Variants in SSBP2 observed in about 807,000 individuals in gnomAD.
SSBP2 encodes single-stranded DNA-binding protein 2.
In SSBP2, 17 loss-of-function variants were observed where a neutral mutation model predicts 61.8. The ratio of observed to expected loss-of-function variants is 0.28; its 90% CI spans 0.19 to 0.41. The LOEUF is 0.41. Among genes scored for constraint, SSBP2 ranks in the 10% least tolerant of loss-of-function variants. The pLI, the probability that SSBP2 is intolerant of heterozygous loss-of-function variation, is 1.00. For synonymous variants in SSBP2, 139 were observed against 141.3 expected (o/e 0.98, Z 0.12); for missense variants, 310 against 458.7 (o/e 0.68, Z 2.96).
intron 1 of SSBP2, among the ~76,000 whole-genome samples, chr5:81,737,271 C>T (rs1581449767): frequency 6.7e-6 from 1 of 149,594 alleles, no homozygotes. Context: ...AACTATTGCC[C>T]CTCCTTGCAA....
At chr5:81,622,800 G>A (rs1434619265) in intron 3 of SSBP2, among the ~76,000 whole-genome samples, 1 of 152,138 alleles carries the variant, frequency 6.6e-6, no homozygotes, top group Non-Finnish European at 1.5e-5. Context: ...TCAGCTAGGA[G>A]AAAACATTCT....
At chr5:81,675,940 T>G (rs1561680621) in intron 1 of SSBP2, among the ~76,000 whole-genome samples, 1 of 152,150 alleles carries the variant, frequency 6.6e-6, no homozygotes, top group Non-Finnish European at 1.5e-5. Flanking sequence ...CACATTTTCC[T>G]CAGACCCACT....
At chr5:81,599,121 G>GGACT (rs1219591744) in intron 4 of SSBP2, among the ~76,000 whole-genome samples, 2 of 152,108 alleles carry the variant, frequency 1.3e-5, no homozygotes, top group Non-Finnish European at 2.9e-5. Context: ...TATAGCAAAA[G>GGACT]GACTACCTGA....
Position 81,445,505 on chromosome 5 carries a change from A to G in SSBP2, c.778+1363T>C, listed in dbSNP as rs182988293. ...AACTTCACCATATAAGAACATAAATATGGGCAAGATGATCAGTTGATATAA... is the reference window on the plus strand; with the variant it reads ...AACTTCACCATATAAGAACATAAATGTGGGCAAGATGATCAGTTGATATAA... On this transcript the variant is annotated intron_variant, in intron 12 of 16. Transcript: ENST00000320672. Among the ~76,000 whole-genome samples, 226 of 152,164 alleles carry G rather than the reference A, an allele frequency of 1.5e-3. 1 individual carries two copies. The highest frequency in any genetic ancestry group is 5.3e-3 in the African/African-American group (219 of 41,522).
chr5:81,442,252 C>T (rs1433337221), intron 13 of SSBP2, among the ~76,000 whole-genome samples: 1 of 151,994 alleles, frequency 6.6e-6, no homozygotes, highest in African/African-American at 2.4e-5. Context: ...AAAAAACAAG[C>T]ATAGCCAACT....
chr5:81,426,832 A>G (rs1184831311), intron 16 of SSBP2, among the ~76,000 whole-genome samples: 9 of 152,218 alleles, frequency 5.9e-5, no homozygotes, highest in Admixed American at 1.3e-4. Context: ...GTCACTGCCC[A>G]TAAGTGAAAG....
intron 1 of SSBP2, among the ~76,000 whole-genome samples, chr5:81,720,308 TA>T (rs957116342): frequency 6.6e-6 from 1 of 152,182 alleles, no homozygotes; most frequent in Admixed American, 6.5e-5. Context: ...GAGATAAATG[TA>T]AACAGAGTAT....
At chr5:81,457,848 G>C (rs1323441098) in intron 10 of SSBP2, among the ~76,000 whole-genome samples, 2 of 152,016 alleles carry the variant, frequency 1.3e-5, no homozygotes, top group African/African-American at 4.8e-5. Flanking sequence ...TTTTAGTAGA[G>C]ATGGGGTTTC....
At chr5:81,703,054 G>C (rs1235516942) in intron 1 of SSBP2, among the ~76,000 whole-genome samples, 1 of 151,932 alleles carries the variant, frequency 6.6e-6, no homozygotes, top group Non-Finnish European at 1.5e-5. Flanking sequence ...ATTCCTTTTT[G>C]CCCATATCTT....
chr5:81,503,950 C>T (rs1347020602), intron 5 of SSBP2, among the ~76,000 whole-genome samples: 1 of 151,892 alleles, frequency 6.6e-6, no homozygotes, highest in Non-Finnish European at 1.5e-5. Flanking sequence ...CTCATGGACC[C>T]AAAGAGGGAA....
intron 1 of SSBP2, among the ~76,000 whole-genome samples, chr5:81,650,897 C>G (rs938282768): frequency 1.8e-4 from 27 of 152,110 alleles, no homozygotes; most frequent in Admixed American, 3.3e-4. Flanking sequence ...TTCAAATTCA[C>G]AGCAAACTAC....
chr5:81,595,582 A>G lies in SSBP2; in HGVS notation c.282+19891T>C, dbSNP rs578025618. Reference sequence around the variant, plus strand: ...AATATCCTTGATGAACACTGATGCAAAAATCCTCAATAAAATACTGGCAAA... The same window carrying G: ...AATATCCTTGATGAACACTGATGCAGAAATCCTCAATAAAATACTGGCAAA... On this transcript the variant is annotated intron_variant, in intron 4 of 16. Coordinates refer to ENST00000320672, the MANE Select transcript of SSBP2 (RefSeq NM_012446.5). Among the ~76,000 whole-genome samples the G allele has an allele frequency of 1.2e-4, 18 of 152,360 alleles. 1 individual carries two copies. The South Asian group carries it at 3.3e-3, about 28-fold the overall frequency.
chr5:81,652,868 G>C (rs982929120), intron 1 of SSBP2, among the ~76,000 whole-genome samples: 1 of 151,358 alleles, frequency 6.6e-6, no homozygotes, highest in South Asian at 2.1e-4. Context: ...AGCATACACT[G>C]TACCCAATTT....
chr5:81,698,761 T>C (rs1159525638), intron 1 of SSBP2, among the ~76,000 whole-genome samples: 9 of 152,148 alleles, frequency 5.9e-5, no homozygotes, highest in African/African-American at 4.8e-5. Context: ...TGAGCCAAGA[T>C]TGCACCACTG....
At position 81,470,571 on chromosome 5, in the gene SSBP2, ATTTC is replaced by A; in HGVS notation, c.570+3125_570+3128del. 1.3e-5 allele frequency among the ~76,000 whole-genome samples: 2 copies of A among 151,966 alleles called. 1 individual carries two copies. Among genetic ancestry groups the A allele is most frequent in the Middle Eastern group, 6.8e-3 (2 of 294 alleles). ...AATCTAAGAATAATTAGATTTACAT[ATTTC>A]TTTGTTTTAGGAATTCAGTTGTTCT... On this transcript the variant is annotated intron_variant, in intron 8 of 16. Coordinates refer to ENST00000320672, the MANE Select transcript of SSBP2 (RefSeq NM_012446.5).
intron 4 of SSBP2, among the ~76,000 whole-genome samples, chr5:81,612,324 T>A (rs1227313950): frequency 6.6e-6 from 1 of 152,150 alleles, no homozygotes; most frequent in African/African-American, 2.4e-5. Flanking sequence ...TTAAATTTTA[T>A]TTCATTAAGT....
chr5:81,727,658 A>T (rs1755983747), intron 1 of SSBP2, among the ~76,000 whole-genome samples: 1 of 152,364 alleles, frequency 6.6e-6, no homozygotes, highest in Middle Eastern at 3.4e-3. Context: ...ATAATTTGAG[A>T]TTTTTCTCAG....
intron 1 of SSBP2, among the ~76,000 whole-genome samples, chr5:81,653,895 T>C (rs1300263693): frequency 1.3e-5 from 2 of 152,190 alleles, no homozygotes; most frequent in Non-Finnish European, 2.9e-5. Context: ...CCTCTGTGTA[T>C]AGGATTTTCC....
At chr5:81,546,775 T>C (rs1771758655) in intron 4 of SSBP2, among the ~76,000 whole-genome samples, 1 of 151,982 alleles carries the variant, frequency 6.6e-6, no homozygotes, top group East Asian at 1.9e-4. Flanking sequence ...AGTCAGTGAA[T>C]TTATTGATCA....
Sources: gnomAD v4.1 joint callset for allele counts (sites outside exome capture counted in the v4.1 genomes callset) on GRCh38, gnomAD v4.1.1 for gene constraint, MANE v1.5 for transcripts, NCBI Gene and HGNC (gene_info 2026-07-23, HGNC 2026-07-21) for gene names.